The following NPC1L1 variants were observed in gnomAD, a reference collection of about 807,000 sequenced individuals.
NPC1L1 encodes the protein NPC1-like intracellular cholesterol transporter 1.
Under a neutral mutation model 117.0 loss-of-function variants are expected in NPC1L1, and 98 were observed. That is an observed-to-expected ratio of 0.84 (90% CI 0.71 to 0.99). The LOEUF is 0.99. Among genes scored for constraint, NPC1L1 ranks in the 50% least tolerant of loss-of-function variants. NPC1L1 has a pLI of 0.00. For synonymous variants in NPC1L1, 729 were observed against 727.6 expected (o/e 1.00, Z -0.03); for missense variants, 1,540 against 1,710.0 (o/e 0.90, Z 1.75).
Position 44,513,244 on chromosome 7 carries a change from G to A in NPC1L1, c.*203C>T, listed in dbSNP as rs1801089843. ...CAAGGCCTAGGTGACTTGGAAACTG[G>A]GGACCCACTATGGGAGCAGAGGAGC... On this transcript the variant is annotated 3_prime_UTR_variant, in exon 19 of 19. Coordinates refer to ENST00000381160, the MANE Select transcript of NPC1L1 (RefSeq NM_001101648.2). 1 of 608,072 alleles carries A rather than the reference G, an allele frequency of 1.6e-6. No individual in the cohort carries two copies. The highest frequency in any genetic ancestry group is 2.6e-5 in the Admixed American group (1 of 38,740). The allele number at this position is 608,072 out of a possible 1,614,324, so 37.7% of individuals were successfully genotyped here. A position where few individuals can be genotyped will look rare whatever the true frequency, so the allele number is the denominator to read the frequency against.
chr7:44,517,171 C>T, intron 15 of NPC1L1, 36 bp downstream of exon 15: 1 of 1,613,778 alleles, frequency 6.2e-7, no homozygotes, highest in South Asian at 1.1e-5. Flanking sequence ...GCAACCATAC[C>T]CCACCTCCCT....
rs547017210 is a variant in NPC1L1, at chr7:44,540,595, T to C, written c.55-253A>G. Among the ~76,000 whole-genome samples the C allele has an allele frequency of 2.9e-4, 44 of 152,080 alleles. No individual in the cohort carries two copies. The East Asian group carries it at 7.7e-3, about 27-fold the overall frequency. On this transcript the variant is annotated intron_variant, in intron 1 of 18. Transcript: ENST00000381160. Reference sequence around the variant, plus strand: ...AAAGTCATGCTGGAGAGGCCAGAGATGGGTAAGGAGGCAAAGCTGACTCCA... The same window carrying C: ...AAAGTCATGCTGGAGAGGCCAGAGACGGGTAAGGAGGCAAAGCTGACTCCA...
chr7:44,539,528 A>C lies in NPC1L1; in HGVS notation c.869T>G (p.Ile290Ser). The change falls in exon 2 of 19, where the codon ATC becomes AGC. Residue 290 changes from isoleucine to serine, a missense_variant. This residue lies in a region of NPC1L1 where 793 missense variants were observed against 820.4 expected (regional missense o/e 0.97). Coordinates refer to ENST00000381160, the MANE Select transcript of NPC1L1 (RefSeq NM_001101648.2). This position sits in a 1 kb window ranked among gnomAD's most constrained non-coding sequence, Gnocchi z 4.4. ...GACCACAGCGAAGACAGAGCAGAGG[A>C]TGATGATGAGGACCAGACTGCCCGG... ...QMPGSLVLII[I>S]LCSVFAVVTI... 6.2e-7 allele frequency: 1 copy of C among 1,613,724 alleles called. No individual in the cohort carries two copies. The highest frequency in any genetic ancestry group is 8.5e-7 in the Non-Finnish European group (1 of 1,179,724).
chr7:44,517,450 A>G (rs1801227519), intron 14 of NPC1L1, 93 bp from the exon 15 acceptor site: 3 of 1,490,284 alleles, frequency 2.0e-6, no homozygotes, highest in Non-Finnish European at 2.8e-6. Context: ...TGGCACAGGC[A>G]TGTGATCAAG....
chr7:44,532,274 C>A (rs1801730748), intron 8 of NPC1L1, 57 bp from the exon 9 acceptor site: 2 of 1,607,846 alleles, frequency 1.2e-6, no homozygotes, highest in African/African-American at 2.7e-5. Context: ...CCCCAGGGAC[C>A]ACCTTCTTGC....
intron 7 of NPC1L1, 58 bp from the exon 8 acceptor site, chr7:44,533,616 G>A (rs573377581): frequency 4.0e-5 from 65 of 1,613,200 alleles, no homozygotes; most frequent in South Asian, 3.2e-4. Flanking sequence ...AGTGGTAGCC[G>A]ACATTGACAG....
rs764218856 is a variant in NPC1L1 at position 44,536,366 on chromosome 7, C to T, written c.1744G>A (p.Gly582Arg). The T allele has an allele frequency of 2.2e-5, 36 of 1,614,080 alleles. No homozygotes were observed. In the Admixed American group the frequency reaches 3.3e-4, roughly 15 times the overall value. The change falls in exon 4 of 19, where the codon GGG becomes AGG. Residue 582 changes from glycine to arginine, a missense_variant. Gly to Arg is a moderately radical substitution (Grantham distance 125). This residue lies in a region of NPC1L1 where 793 missense variants were observed against 820.4 expected (regional missense o/e 0.97). Transcript: ENST00000381160. This position sits in a 1 kb window ranked among gnomAD's most constrained non-coding sequence, Gnocchi z 4.7. ...TTGGCCTGGGCCAGACGGGGGTCCC[C>T]GGCAGGGTAATTGTTGAGGGAGAAC... ...MTFSLNNYPA[G>R]DPRLAQAKLW...
At chr7:44,516,615 A>C in intron 16 of NPC1L1, 88 bp downstream of exon 16, 1 of 1,115,128 alleles carries the variant, frequency 9.0e-7, no homozygotes, top group Non-Finnish European at 1.3e-6. Flanking sequence ...CTAAAAAAAG[A>C]AACAAAAAAG....
At chr7:44,527,137 A>G (rs1431553244) in intron 10 of NPC1L1, among the ~76,000 whole-genome samples, 1 of 152,130 alleles carries the variant, frequency 6.6e-6, no homozygotes, top group Non-Finnish European at 1.5e-5. Context: ...AAGAAATGCT[A>G]AAAGGAATCC....
chr7:44,538,989 T>C lies in NPC1L1; in HGVS notation c.1408A>G (p.Ile470Val), dbSNP rs377561588. 1.2e-5 allele frequency: 19 copies of C among 1,614,080 alleles called. No individual in the cohort carries two copies. The highest frequency in any genetic ancestry group is 1.6e-5 in the Non-Finnish European group (19 of 1,180,034). Reference protein sequence around the residue: ...EAQRNISLQDICYAPLNPDNT... With the variant: ...EAQRNISLQDVCYAPLNPDNT... ...TCCGGATTGAGGGGGGCGTAGCAGATGTCCTGCAGGGAGATGTTGCGCTGT... is the reference window on the plus strand; with the variant it reads ...TCCGGATTGAGGGGGGCGTAGCAGACGTCCTGCAGGGAGATGTTGCGCTGT... The change falls in exon 2 of 19, where the codon ATC becomes GTC. Residue 470 changes from isoleucine (I) to valine (V), a missense_variant. Ile to Val is a conservative substitution (Grantham distance 29, BLOSUM62 3). Transcript: ENST00000381160. This position sits in a 1 kb window ranked among gnomAD's most constrained non-coding sequence, Gnocchi z 5.9.
In NPC1L1 at chr7:44,514,772, C is replaced by T. The variant is rs536599200; in HGVS notation, c.3796+1031G>A. ...ATCCCAGCACTTTGGGAGGCCTTGG[C>T]GGTTGGATCACCTGAGGTCAGGAGT... On this transcript the variant is annotated intron_variant, in intron 18 of 18. Transcript: ENST00000381160. Among the ~76,000 whole-genome samples the T allele has an allele frequency of 7.2e-5, 11 of 151,742 alleles. No homozygotes were observed. In the South Asian group the frequency reaches 1.9e-3, roughly 26 times the overall value.
intron 14 of NPC1L1, among the ~76,000 whole-genome samples, chr7:44,518,081 C>G (rs1178938595): frequency 6.6e-6 from 1 of 151,254 alleles, no homozygotes; most frequent in Non-Finnish European, 1.5e-5. Flanking sequence ...TGCTACTGCA[C>G]TCCAGCTGGG....
rs1025082213 is a variant in NPC1L1, at chr7:44,536,250, C to T, written c.1854+6G>A. On this transcript the variant is annotated splice_donor_region_variant and intron_variant, in intron 4 of 18. Transcript: ENST00000381160. The surrounding 1 kb of genome is among the most constrained non-coding windows in gnomAD (Gnocchi z 4.7). Reference sequence around the variant, plus strand: ...CCCCCAGAGCCAGGGACCCTGCAGCCCCTACCTCAGCCATGAACGTGACCT... The same window carrying T: ...CCCCCAGAGCCAGGGACCCTGCAGCTCCTACCTCAGCCATGAACGTGACCT... The T allele has an allele frequency of 2.5e-6, 4 of 1,613,226 alleles. No individual in the cohort carries two copies. The highest frequency in any genetic ancestry group is 1.9e-4 in the Middle Eastern group (1 of 5,288).
At position 44,518,661 on chromosome 7, in the gene NPC1L1, C is replaced by T. The variant is rs879253392; in HGVS notation, c.3137-1304G>A. On this transcript the variant is annotated intron_variant, in intron 14 of 18. Coordinates refer to ENST00000381160, the MANE Select transcript of NPC1L1 (RefSeq NM_001101648.2). The stretch of plus-strand genomic sequence containing the variant: ...TCCAGCCTGGGTGACAGAATGGCAA[C>T]TGTGTCTCAAAAAAAAAAAAAAAGT... The T allele has an allele frequency of 3.9e-4, 448 of 1,153,144 alleles. No individual in the cohort carries two copies. The highest frequency in any genetic ancestry group is 4.8e-4 in the Non-Finnish European group (424 of 883,918). 71.4% of individuals were successfully genotyped at this position (1,153,144 alleles called of 1,614,324 possible). A position where few individuals can be genotyped will look rare whatever the true frequency, so the allele number is the denominator to read the frequency against.
At chr7:44,523,513 A>G (rs1347908807) in intron 10 of NPC1L1, among the ~76,000 whole-genome samples, 1 of 152,184 alleles carries the variant, frequency 6.6e-6, no homozygotes, top group African/African-American at 2.4e-5. Flanking sequence ...GCAGCTGTGT[A>G]TGCTTTCCAG....
rs779266630 is a variant in NPC1L1, at chr7:44,539,262, G to T, written c.1135C>A (p.Pro379Thr). ...GLVFTELTTD[P>T]VELWSAPNSQ... Reference sequence around the variant, plus strand: ...TTGGGGGCCGACCACAGCTCCACGGGGTCCGTAGTGAGTTCTGTAAAGACC... The same window carrying T: ...TTGGGGGCCGACCACAGCTCCACGGTGTCCGTAGTGAGTTCTGTAAAGACC... The change falls in exon 2 of 19, where the codon CCC becomes ACC. Residue 379 changes from proline (P) to threonine (T), a missense_variant. Physicochemically the swap from Pro to Thr is conservative, Grantham distance 38. This residue lies in a region of NPC1L1 where 793 missense variants were observed against 820.4 expected (regional missense o/e 0.97). Coordinates refer to ENST00000381160, the MANE Select transcript of NPC1L1 (RefSeq NM_001101648.2). This position sits in a 1 kb window ranked among gnomAD's most constrained non-coding sequence, Gnocchi z 4.4. The T allele has an allele frequency of 1.1e-5, 18 of 1,614,076 alleles. No homozygotes were observed. The highest frequency in any genetic ancestry group is 1.7e-5 in the Admixed American group (1 of 60,018).
chr7:44,532,121 A>C lies in NPC1L1; in HGVS notation c.2506T>G (p.Tyr836Asp). 1 of 1,614,082 alleles carries C rather than the reference A, an allele frequency of 6.2e-7. No homozygotes were observed. The highest frequency in any genetic ancestry group is 8.5e-7 in the Non-Finnish European group (1 of 1,180,014). ...ATCCAGTGCAGCAGGAAGGGGGCAT[A>C]AGCCTTTTGGAAGAAGCCAAGCAGG... ...GLLLGFFQKA[Y>D]APFLLHWITR... The change falls in exon 9 of 19, where the codon TAT becomes GAT. Residue 836 changes from tyrosine (Y) to aspartate (D), a missense_variant. Physicochemically the swap from Tyr to Asp is radical, Grantham distance 160. Around this residue, in one of 3 missense-constraint regions of NPC1L1, gnomAD observed 742 missense variants for 873.6 expected, o/e 0.85. Coordinates refer to ENST00000381160, the MANE Select transcript of NPC1L1 (RefSeq NM_001101648.2).
At chr7:44,519,025 CTTTCT>C (rs142811942) in intron 14 of NPC1L1, among the ~76,000 whole-genome samples, 17,333 of 148,750 alleles carry the variant, frequency 0.12, 1,421 homozygotes, top group Non-Finnish European at 0.18. Context: ...TTCTCCCTTT[CTTTCT>C]TTTCTTTTCT....
At chr7:44,516,248 A>G in intron 16 of NPC1L1, 51 bp from the exon 17 acceptor site, 2 of 1,492,600 alleles carry the variant, frequency 1.3e-6, no homozygotes, top group Non-Finnish European at 1.8e-6. Context: ...TGGGGAAGGA[A>G]CTAGGGAGAT....
Sources: allele counts gnomAD v4.1 joint callset (sites outside exome capture counted in the v4.1 genomes callset), GRCh38; gene constraint gnomAD v4.1.1; regional missense constraint gnomAD v4.1.1; non-coding constraint Gnocchi (gnomAD v3.1); transcripts MANE v1.5; gene names NCBI Gene and HGNC (gene_info 2026-07-23, HGNC 2026-07-21).